Variants in GSTCD observed in about 807,000 individuals in gnomAD.
The protein encoded by GSTCD is glutathione S-transferase C-terminal domain containing.
In GSTCD, 44 loss-of-function variants were observed where a neutral mutation model predicts 68.3. That is an observed-to-expected ratio of 0.64 (90% CI 0.51 to 0.83). The LOEUF (loss-of-function observed/expected upper bound fraction) is 0.83, where lower values mean the gene tolerates loss of function less well. GSTCD is among the 40% of genes least tolerant of loss of function. The pLI is 0.00. For missense variants in GSTCD, 739 were observed against 735.9 expected (o/e 1.00, Z -0.05); for synonymous variants, 273 against 255.2 (o/e 1.07, Z -0.67).
At chr4:105,786,461 G>T (rs1340710887) in intron 5 of GSTCD, among the ~76,000 whole-genome samples, 1 of 150,946 alleles carries the variant, frequency 6.6e-6, no homozygotes, top group South Asian at 2.1e-4. Context: ...GCAGTGAACC[G>T]CAGACTGCGC....
intron 11 of GSTCD, among the ~76,000 whole-genome samples, chr4:105,843,323 C>T (rs914940573): frequency 6.6e-6 from 1 of 152,198 alleles, no homozygotes; most frequent in Non-Finnish European, 1.5e-5. Flanking sequence ...TCTTTCAATG[C>T]CTTTCCTTCT....
chr4:105,748,235 A>C (rs1733878199), intron 5 of GSTCD, among the ~76,000 whole-genome samples: 1 of 152,166 alleles, frequency 6.6e-6, no homozygotes, highest in South Asian at 2.1e-4. Flanking sequence ...AGCCTGGGCG[A>C]CAGAGTGAGA....
intron 5 of GSTCD, among the ~76,000 whole-genome samples, chr4:105,792,389 A>G (rs569161144): frequency 3.3e-5 from 5 of 152,034 alleles, no homozygotes; most frequent in African/African-American, 1.2e-4. Flanking sequence ...ATGTTCAGGG[A>G]AGAGGCTCAG....
intron 8 of GSTCD, among the ~76,000 whole-genome samples, chr4:105,833,278 A>G (rs949817350): frequency 3.3e-5 from 5 of 152,174 alleles, no homozygotes; most frequent in Non-Finnish European, 5.9e-5. Flanking sequence ...CAGCCTGACC[A>G]ACATGGTGAA....
intron 5 of GSTCD, among the ~76,000 whole-genome samples, chr4:105,813,532 A>T (rs886517530): frequency 6.6e-6 from 1 of 152,230 alleles, no homozygotes; most frequent in African/African-American, 2.4e-5. Flanking sequence ...CATCCCCAAG[A>T]TATCTCCTTA....
At chr4:105,810,932 T>G (rs1378592432) in intron 5 of GSTCD, among the ~76,000 whole-genome samples, 1 of 152,148 alleles carries the variant, frequency 6.6e-6, no homozygotes, top group Non-Finnish European at 1.5e-5. Flanking sequence ...CTGATCTGTG[T>G]CTTTGTTGAC....
At chr4:105,760,688 G>T (rs1038514561) in intron 5 of GSTCD, among the ~76,000 whole-genome samples, 1 of 152,112 alleles carries the variant, frequency 6.6e-6, no homozygotes, top group Non-Finnish European at 1.5e-5. Flanking sequence ...CTTAGTGAGA[G>T]GGAGCAGCAT....
Position 105,775,097 on chromosome 4 carries a change from C to T in GSTCD, c.1240+45598C>T, listed in dbSNP as rs1213462499. Among the ~76,000 whole-genome samples the T allele has an allele frequency of 2.0e-5, 3 of 152,116 alleles. No individual in the cohort carries two copies. The East Asian group carries it at 5.8e-4, about 29-fold the overall frequency. ...CTAATCTTGTCTTCATGCTTTATTTCATTACATTGATCGTCAGTCTCTGAT... is the reference window on the plus strand; with the variant it reads ...CTAATCTTGTCTTCATGCTTTATTTTATTACATTGATCGTCAGTCTCTGAT... On this transcript the variant is annotated intron_variant, in intron 5 of 11. Coordinates refer to ENST00000515279, the MANE Select transcript of GSTCD (RefSeq NM_001370181.1).
At chr4:105,745,423 A>G (rs17036158) in intron 5 of GSTCD, among the ~76,000 whole-genome samples, 18,790 of 152,206 alleles carry the variant, frequency 0.12, 1,681 homozygotes, top group African/African-American at 0.25. Flanking sequence ...ATAGTCTTCT[A>G]CTTCACTGAG....
intron 8 of GSTCD, among the ~76,000 whole-genome samples, chr4:105,829,520 A>C (rs554838724): frequency 2.6e-5 from 4 of 152,322 alleles, no homozygotes; most frequent in Non-Finnish European, 4.4e-5. Flanking sequence ...AATGAGGAGC[A>C]AAGTCACATC....
At chr4:105,792,988 T>C (rs1160845100) in intron 5 of GSTCD, among the ~76,000 whole-genome samples, 1 of 152,056 alleles carries the variant, frequency 6.6e-6, no homozygotes, top group African/African-American at 2.4e-5. Context: ...TTAGTGTTGA[T>C]TTCAATTGTG....
intron 10 of GSTCD, chr4:105,840,461 A>T (rs1724292304): frequency 4.3e-6 from 1 of 229,962 alleles, no homozygotes; most frequent in Non-Finnish European, 9.0e-6. Flanking sequence ...CCCTTTTAAA[A>T]AACCAACATT....
At chr4:105,794,191 A>G (rs951791366) in intron 5 of GSTCD, among the ~76,000 whole-genome samples, 10 of 152,112 alleles carry the variant, frequency 6.6e-5, no homozygotes, top group African/African-American at 1.9e-4. Context: ...TCTTAACTGT[A>G]TAAGTCTGAA....
intron 5 of GSTCD, among the ~76,000 whole-genome samples, chr4:105,740,285 T>C (rs567955584): frequency 6.6e-6 from 1 of 151,978 alleles, no homozygotes; most frequent in South Asian, 2.1e-4. Flanking sequence ...CTCACTCCAG[T>C]AGGACTCACT....
At chr4:105,727,468 T>G (rs760907691) in intron 4 of GSTCD, among the ~76,000 whole-genome samples, 1 of 149,826 alleles carries the variant, frequency 6.7e-6, no homozygotes, top group African/African-American at 2.5e-5. Context: ...GAGGTTTCAG[T>G]GGGCCGAGAT....
intron 5 of GSTCD, among the ~76,000 whole-genome samples, chr4:105,783,878 A>AT (rs532607644): frequency 9.5e-4 from 144 of 152,240 alleles, no homozygotes; most frequent in African/African-American, 3.3e-3. Flanking sequence ...TATGATCTTC[A>AT]TATTTTTGGA....
At chr4:105,714,751 T>C (rs1732636173) in intron 1 of GSTCD, among the ~76,000 whole-genome samples, 1 of 152,098 alleles carries the variant, frequency 6.6e-6, no homozygotes, top group African/African-American at 2.4e-5. Context: ...TTGCATTTTC[T>C]CTCAGGCATC....
At chr4:105,709,870 A>G (rs2149199185) in intron 1 of GSTCD, among the ~76,000 whole-genome samples, 1 of 152,340 alleles carries the variant, frequency 6.6e-6, no homozygotes, top group Non-Finnish European at 1.5e-5. Context: ...ATAATTTTAA[A>G]CATGTAAACA....
At chr4:105,789,011 T>C (rs1385669016) in intron 5 of GSTCD, among the ~76,000 whole-genome samples, 3 of 152,108 alleles carry the variant, frequency 2.0e-5, no homozygotes, top group East Asian at 3.8e-4. Context: ...TGACGTGTCT[T>C]CAAGGGGAAG....
Sources: allele counts gnomAD v4.1 joint callset (sites outside exome capture counted in the v4.1 genomes callset), GRCh38; gene constraint gnomAD v4.1.1; transcripts MANE v1.5; gene names NCBI Gene and HGNC (gene_info 2026-07-23, HGNC 2026-07-21).